PTPRM: variants seen among roughly 807,000 people sequenced by gnomAD.
PTPRM encodes protein tyrosine phosphatase receptor type M, also known as receptor-type tyrosine-protein phosphatase mu.
A neutral mutation model predicts 186.7 loss-of-function variants in PTPRM; 47 were observed. The observed-to-expected ratio is 0.25, with a 90% CI of 0.20 to 0.32. The LOEUF (loss-of-function observed/expected upper bound fraction) is 0.32, where lower values mean the gene tolerates loss of function less well. Ranked by LOEUF, PTPRM falls within the 10% of genes least tolerant of loss-of-function variation. The probability of loss-of-function intolerance (pLI) is 1.00; values close to 1 mark genes in which losing one functional copy is unlikely to be tolerated. For missense variants in PTPRM, 1,494 were observed against 1,865.0 expected (o/e 0.80, Z 3.66); for synonymous variants, 668 against 674.9 (o/e 0.99, Z 0.16).
Position 8,376,048 on chromosome 18 carries a change from A to G in PTPRM, c.3174A>G (p.Arg1058=). 6.2e-7 allele frequency: 1 copy of G among 1,607,988 alleles called. No homozygotes were observed. Among genetic ancestry groups the G allele is most frequent in the Non-Finnish European group, 8.5e-7 (1 of 1,174,946 alleles). The stretch of plus-strand genomic sequence containing the variant: ...TTCTGGCTAACCAACTACTGCAGAG[A>G]GGTGTGCATGAAATCCGAGAGATCA... ...YVIRTFAVEK[R]GVHEIREIRQ... Residue 1058 remains arginine, a splice_region_variant and synonymous_variant, in exon 25 of 33, where the codon AGA becomes AGG. Coordinates refer to ENST00000580170, the MANE Select transcript of PTPRM (RefSeq NM_001105244.2).
chr18:7,753,872 A>G (rs1311825678), intron 1 of PTPRM, among the ~76,000 whole-genome samples: 1 of 151,104 alleles, frequency 6.6e-6, no homozygotes, highest in Middle Eastern at 3.2e-3. Flanking sequence ...TCTACACATT[A>G]TTTCATTTTG....
intron 2 of PTPRM, among the ~76,000 whole-genome samples, chr18:7,887,496 G>A (rs2048847513): frequency 6.6e-6 from 1 of 152,204 alleles, no homozygotes; most frequent in South Asian, 2.1e-4. Context: ...TGAAGTGCAA[G>A]AGGATCGTAT....
At position 7,608,319 on chromosome 18, in the gene PTPRM, A is replaced by G. The variant is rs114899703; in HGVS notation, c.73+40428A>G. Among the ~76,000 whole-genome samples the G allele has an allele frequency of 3.6e-3, 554 of 152,314 alleles. 5 individuals carry two copies. The highest frequency in any genetic ancestry group is 0.013 in the African/African-American group (533 of 41,564). ...ACACTCCTGACTTCACACAGATTCA[A>G]ATACAGCTTGTCCAGAACAAAGACG... is the stretch of plus-strand genomic sequence containing the variant. On this transcript the variant is annotated intron_variant, in intron 1 of 32. Coordinates refer to ENST00000580170, the MANE Select transcript of PTPRM (RefSeq NM_001105244.2).
At chr18:7,877,052 A>G (rs1355499017) in intron 2 of PTPRM, among the ~76,000 whole-genome samples, 3 of 152,176 alleles carry the variant, frequency 2.0e-5, no homozygotes, top group Non-Finnish European at 4.4e-5. Flanking sequence ...AGTGTTAGCT[A>G]TTATCAATTC....
chr18:8,397,732 C>A (rs1010225123), intron 32 of PTPRM, among the ~76,000 whole-genome samples: 2 of 150,320 alleles, frequency 1.3e-5, no homozygotes, highest in Non-Finnish European at 2.9e-5. Context: ...GAAGAGACTC[C>A]GGCTGCAGGA....
Position 7,969,541 on chromosome 18 carries a change from C to CA in PTPRM, c.1132+14131dup, listed in dbSNP as rs565105158. 8.0e-5 allele frequency among the ~76,000 whole-genome samples: 12 copies of CA among 149,522 alleles called. No homozygotes were observed. In the South Asian group the frequency reaches 2.6e-3, roughly 32 times the overall value. On this transcript the variant is annotated intron_variant, in intron 7 of 32. Transcript: ENST00000580170. ...GGAGCTTGTTTTTTGAAAGGTTCAACAAAATTGATAGACCGCTAGCAAGAC... is the reference window on the plus strand; with the variant it reads ...GGAGCTTGTTTTTTGAAAGGTTCAACAAAAATTGATAGACCGCTAGCAAGAC...
At chr18:8,219,123 T>C (rs2094123981) in intron 14 of PTPRM, among the ~76,000 whole-genome samples, 1 of 152,220 alleles carries the variant, frequency 6.6e-6, no homozygotes, top group Admixed American at 6.5e-5. Context: ...AGAGTACATT[T>C]AGGAACCAGT....
At chr18:8,046,205 A>G (rs1200995134) in intron 7 of PTPRM, among the ~76,000 whole-genome samples, 1 of 152,186 alleles carries the variant, frequency 6.6e-6, no homozygotes, top group African/African-American at 2.4e-5. Flanking sequence ...CCAACCGTCC[A>G]GCCATGCAGA....
chr18:7,745,264 C>T (rs1255911566), intron 1 of PTPRM, among the ~76,000 whole-genome samples: 2 of 152,104 alleles, frequency 1.3e-5, no homozygotes, highest in Non-Finnish European at 2.9e-5. Context: ...AAAACAGGAC[C>T]ATATATCTGG....
chr18:8,306,183 C>T (rs2147964324), intron 20 of PTPRM, among the ~76,000 whole-genome samples: 1 of 152,282 alleles, frequency 6.6e-6, no homozygotes, highest in African/African-American at 2.4e-5. Flanking sequence ...AGGCGTGAGC[C>T]ACTGCGCCTG....
At chr18:8,063,321 C>G (rs1462098394) in intron 7 of PTPRM, among the ~76,000 whole-genome samples, 1 of 150,558 alleles carries the variant, frequency 6.6e-6, no homozygotes, top group East Asian at 1.9e-4. Context: ...TCGGCTTGCG[C>G]ACACCCACTG....
chr18:8,272,264 TTTG>T (rs2094782210), intron 19 of PTPRM, among the ~76,000 whole-genome samples: 2 of 151,780 alleles, frequency 1.3e-5, no homozygotes, highest in Admixed American at 1.3e-4. Context: ...AGCTTTTGTG[TTTG>T]TTGATCTTTA....
At chr18:7,950,412 A>G (rs1047199443) in intron 6 of PTPRM, among the ~76,000 whole-genome samples, 5 of 152,056 alleles carry the variant, frequency 3.3e-5, no homozygotes, top group African/African-American at 1.2e-4. Flanking sequence ...GTCTTAGACA[A>G]AAATTGTCTG....
At chr18:8,183,268 A>G (rs1256473496) in intron 14 of PTPRM, among the ~76,000 whole-genome samples, 1 of 152,216 alleles carries the variant, frequency 6.6e-6, no homozygotes, top group Non-Finnish European at 1.5e-5. Flanking sequence ...AGTTATTTAA[A>G]TATGGCTAAA....
intron 2 of PTPRM, among the ~76,000 whole-genome samples, chr18:7,817,480 T>C (rs1022281721): frequency 1.3e-5 from 2 of 152,240 alleles, no homozygotes. Context: ...CTACTCCTGC[T>C]CTTTTCTAGT....
chr18:7,878,137 A>G (rs917833756), intron 2 of PTPRM, among the ~76,000 whole-genome samples: 6 of 152,116 alleles, frequency 3.9e-5, no homozygotes, highest in Admixed American at 3.3e-4. Flanking sequence ...TAAGATAACT[A>G]TTTTCCCAGA....
At chr18:7,715,089 A>G (rs1028191734) in intron 1 of PTPRM, among the ~76,000 whole-genome samples, 1 of 152,208 alleles carries the variant, frequency 6.6e-6, no homozygotes, top group African/African-American at 2.4e-5. Flanking sequence ...CCTGATGAAC[A>G]TCGATGCGAA....
chr18:8,188,383 A>G (rs2093669056), intron 14 of PTPRM, among the ~76,000 whole-genome samples: 2 of 152,324 alleles, frequency 1.3e-5, no homozygotes, highest in South Asian at 4.1e-4. Flanking sequence ...ATTTTGAAGC[A>G]AGCTCCCTGG....
chr18:8,393,926 C>A (rs996937219), intron 31 of PTPRM, among the ~76,000 whole-genome samples: 1 of 152,080 alleles, frequency 6.6e-6, no homozygotes, highest in Non-Finnish European at 1.5e-5. Context: ...GTAGCTGGGA[C>A]TACAAGCACC....
Sources: allele counts gnomAD v4.1 joint callset (sites outside exome capture counted in the v4.1 genomes callset), GRCh38; gene constraint gnomAD v4.1.1; transcripts MANE v1.5; gene names NCBI Gene and HGNC (gene_info 2026-07-23, HGNC 2026-07-21).